CLEC16A: variants seen among roughly 807,000 people sequenced by gnomAD.
CLEC16A encodes C-type lectin domain containing 16A.
A neutral mutation model predicts 109.5 loss-of-function variants in CLEC16A; 51 were observed. That is an observed-to-expected ratio of 0.47 (90% confidence interval 0.37 to 0.59). CLEC16A has a LOEUF of 0.59. CLEC16A is among the 20% of genes least tolerant of loss of function. The pLI is 0.00. For synonymous variants in CLEC16A, 673 were observed against 564.2 expected, an observed-to-expected ratio of 1.19 and a Z score of -2.73; for missense variants, 1,339 against 1,394.0, an observed-to-expected ratio of 0.96 and a Z score of 0.63.
At chr16:11,141,893 G>A (rs1413768280) in intron 22 of CLEC16A, among the ~76,000 whole-genome samples, 1 of 152,204 alleles carries the variant, frequency 6.6e-6, no homozygotes, top group Non-Finnish European at 1.5e-5. Flanking sequence ...AGTGAGGTGG[G>A]AGAGGCTTGA....
chr16:10,988,297 TCATC>T (rs1285476978), intron 10 of CLEC16A, among the ~76,000 whole-genome samples: 32 of 152,330 alleles, frequency 2.1e-4, no homozygotes, highest in Middle Eastern at 3.4e-3. Context: ...ATTCATCTAT[TCATC>T]CATTCCTTCA....
intron 18 of CLEC16A, among the ~76,000 whole-genome samples, chr16:11,055,247 C>G (rs2048149217): frequency 2.0e-5 from 3 of 152,188 alleles, no homozygotes; most frequent in African/African-American, 7.2e-5. Flanking sequence ...ACAGTCAGAG[C>G]TCTGGAGGAA....
intron 13 of CLEC16A, among the ~76,000 whole-genome samples, chr16:11,028,778 C>T (rs2046573637): frequency 1.3e-5 from 2 of 152,324 alleles, no homozygotes; most frequent in East Asian, 1.9e-4. Flanking sequence ...TATTCCCTTT[C>T]CAGTCATTGA....
At chr16:11,086,370 C>T (rs1030561704) in intron 19 of CLEC16A, among the ~76,000 whole-genome samples, 8 of 152,186 alleles carry the variant, frequency 5.3e-5, no homozygotes, top group Admixed American at 2.6e-4. Context: ...AACTGTTTCC[C>T]CCTTACTGTG....
chr16:11,002,294 C>T (rs1226833490), intron 10 of CLEC16A, among the ~76,000 whole-genome samples: 1 of 152,206 alleles, frequency 6.6e-6, no homozygotes, highest in Non-Finnish European at 1.5e-5. Context: ...AAGTGTTCAT[C>T]AGAAGTTCTC....
At chr16:10,962,356 G>C in intron 2 of CLEC16A, 99 bp from the exon 3 acceptor site, 10 of 1,441,822 alleles carry the variant, frequency 6.9e-6, no homozygotes, top group Non-Finnish European at 9.7e-6. Flanking sequence ...TTGGGGGAGA[G>C]GGGTGAATCT....
intron 18 of CLEC16A, among the ~76,000 whole-genome samples, chr16:11,056,293 CCT>C (rs1567255165): frequency 6.6e-6 from 1 of 152,218 alleles, no homozygotes; most frequent in Non-Finnish European, 1.5e-5. Flanking sequence ...GTGGGTCTTG[CCT>C]CTCAGCTGTT....
At chr16:10,958,034 T>G in intron 2 of CLEC16A, 124 bp downstream of exon 2, 1 of 906,966 alleles carries the variant, frequency 1.1e-6, no homozygotes, top group Non-Finnish European at 1.6e-6. Flanking sequence ...CCTAGATATC[T>G]ATCTCTGTCT....
chr16:11,026,511 T>C (rs2046409739), intron 13 of CLEC16A, among the ~76,000 whole-genome samples: 1 of 152,202 alleles, frequency 6.6e-6, no homozygotes. Context: ...CCCTCTCTGA[T>C]TGATGGTATT....
At chr16:11,114,352 T>C (rs1208713229) in intron 19 of CLEC16A, among the ~76,000 whole-genome samples, 2 of 152,096 alleles carry the variant, frequency 1.3e-5, no homozygotes, top group African/African-American at 2.4e-5. Flanking sequence ...CCCTGTAGAA[T>C]TGGAGATTCG....
At chr16:11,074,522 T>C (rs1221589813) in intron 19 of CLEC16A, among the ~76,000 whole-genome samples, 1 of 152,234 alleles carries the variant, frequency 6.6e-6, no homozygotes, top group Non-Finnish European at 1.5e-5. Flanking sequence ...GTTTCCTGTG[T>C]ATTGATTATT....
intron 22 of CLEC16A, among the ~76,000 whole-genome samples, chr16:11,142,604 G>T (rs982092782): frequency 1.3e-5 from 2 of 152,242 alleles, no homozygotes; most frequent in East Asian, 1.9e-4. Context: ...CCAGGCACAG[G>T]AGCCTCTGCA....
In CLEC16A at chr16:11,180,222, C is replaced by T. The variant is rs11554587; in HGVS notation, c.*1532C>T. 11,413 of 152,446 alleles carry T rather than the reference C, an allele frequency of 0.075. 437 individuals carry two copies. The highest frequency in any genetic ancestry group is 0.12 in the East Asian group (612 of 5,184). The allele number at this position is 152,446 out of a possible 1,614,324, so 9.4% of individuals were successfully genotyped here. A position where few individuals can be genotyped will look rare whatever the true frequency, so the allele number is the denominator to read the frequency against. ...AGCCAGCTGTCCCGGCAAGGCCTGC[C>T]GAGGGCAGTTTTCAACCTCATGAAG... is the stretch of plus-strand genomic sequence containing the variant. On this transcript the variant is annotated 3_prime_UTR_variant, in exon 24 of 24. Transcript: ENST00000409790.
At chr16:11,145,031 G>A (rs891606613) in intron 22 of CLEC16A, among the ~76,000 whole-genome samples, 1 of 152,148 alleles carries the variant, frequency 6.6e-6, no homozygotes. Context: ...GGTGCATCCC[G>A]GCAGGGGGAA....
At chr16:10,952,611 C>A (rs941942391) in intron 1 of CLEC16A, among the ~76,000 whole-genome samples, 11 of 152,186 alleles carry the variant, frequency 7.2e-5, no homozygotes, top group Admixed American at 7.2e-4. Flanking sequence ...AATCTTAATC[C>A]ATTCAGCCTT....
chr16:11,177,250 G>A (rs2068785152), intron 23 of CLEC16A, among the ~76,000 whole-genome samples: 1 of 152,226 alleles, frequency 6.6e-6, no homozygotes, highest in African/African-American at 2.4e-5. Flanking sequence ...TGCATCTGGT[G>A]TTTCTGTTCA....
chr16:11,064,332 G>A (rs1467613879), intron 19 of CLEC16A, among the ~76,000 whole-genome samples: 1 of 152,242 alleles, frequency 6.6e-6, no homozygotes, highest in Admixed American at 6.5e-5. Context: ...CAGGGTGCAG[G>A]GGCCTGTAGA....
intron 11 of CLEC16A, among the ~76,000 whole-genome samples, chr16:11,006,826 C>T (rs758112518): frequency 4.6e-5 from 7 of 152,146 alleles, no homozygotes; most frequent in Non-Finnish European, 7.3e-5. Flanking sequence ...CCATCCACTC[C>T]CTTCCCCAGT....
At chr16:11,024,056 G>A (rs1310119057) in intron 12 of CLEC16A, 3 of 152,204 alleles carry the variant, frequency 2.0e-5, no homozygotes, top group Non-Finnish European at 2.9e-5. Context: ...CCTCACTATC[G>A]ATTCTTCGCA....
Sources: allele counts gnomAD v4.1 joint callset (sites outside exome capture counted in the v4.1 genomes callset), GRCh38; gene constraint gnomAD v4.1.1; transcripts MANE v1.5; gene names NCBI Gene and HGNC (gene_info 2026-07-23, HGNC 2026-07-21).